The following MED25 variants were observed in gnomAD, a reference collection of about 807,000 sequenced individuals.
MED25 encodes the protein mediator of RNA polymerase II transcription subunit 25.
A neutral mutation model predicts 89.4 loss-of-function variants in MED25; 62 were observed. The ratio of observed to expected loss-of-function variants is 0.69; its 90% confidence interval spans 0.57 to 0.86. The LOEUF (loss-of-function observed/expected upper bound fraction) is 0.86, where lower values mean the gene tolerates loss of function less well. MED25 is among the 40% of genes least tolerant of loss of function. The pLI is 0.00. For synonymous variants in MED25, 449 were observed against 427.9 expected (o/e 1.05, Z -0.61); for missense variants, 905 against 1,005.2 (o/e 0.90, Z 1.35).
downstream of MED25, among the ~76,000 whole-genome samples, chr19:49,837,322 A>G (rs2074106796): frequency 6.6e-6 from 1 of 152,240 alleles, no homozygotes; most frequent in Admixed American, 6.5e-5. Context: ...TGCAGAGGAC[A>G]ACAGAAACTT....
downstream of MED25, chr19:49,839,856 T>G (rs2074122588): frequency 6.6e-6 from 1 of 152,172 alleles, no homozygotes; most frequent in Non-Finnish European, 1.5e-5. Flanking sequence ...TCCAGACTCA[T>G]GAGAAGGAAC....
At chr19:49,839,289 G>A (rs182915134), downstream of MED25, 13 of 168,030 alleles carry the variant, frequency 7.7e-5, no homozygotes, top group East Asian at 1.8e-3. Context: ...TACAGACAGC[G>A]TCATGACAGG....
chr19:49,838,871 C>T (rs995362510), downstream of MED25: 2 of 408,014 alleles, frequency 4.9e-6, no homozygotes, highest in Non-Finnish European at 9.8e-6. Flanking sequence ...GGCAGTGGTA[C>T]GCCGTTCCGG....
At chr19:49,821,837 A>T (rs112716160) in intron 3 of MED25, among the ~76,000 whole-genome samples, 84 of 140,770 alleles carry the variant, frequency 6.0e-4, no homozygotes, top group East Asian at 1.3e-3. Flanking sequence ...AAAAAAAAAA[A>T]TTTTGTAGTG....
rs1375960796 is a variant in MED25, at chr19:49,836,494, A to C, written c.2146+88A>C. ...GCACCAAGACCGAGTGCTCCTGGGAAGTAAAGACATAGGATCCAAGAATGA... is the reference window on the plus strand; with the variant it reads ...GCACCAAGACCGAGTGCTCCTGGGACGTAAAGACATAGGATCCAAGAATGA... On this transcript the variant is annotated intron_variant, in intron 17 of 17. Coordinates refer to ENST00000312865, the MANE Select transcript of MED25 (RefSeq NM_030973.4). The surrounding 1 kb of genome is among the most constrained non-coding windows in gnomAD (Gnocchi z 5.1). 3 of 1,456,466 alleles carry C rather than the reference A, an allele frequency of 2.1e-6. No individual in the cohort carries two copies. The African/African-American group carries it at 4.2e-5, about 20-fold the overall frequency. 90.2% of individuals were successfully genotyped at this position (1,456,466 alleles called of 1,614,324 possible). A position where few individuals can be genotyped will look rare whatever the true frequency, so the allele number is the denominator to read the frequency against.
chr19:49,818,632 C>T lies in MED25; in HGVS notation c.180+16C>T. ...CGGGGGAGACGTGAGTCTAGGGACT[C>T]CTGGGCCTGAGGGAGGAGGGGCCGG... On this transcript the variant is annotated intron_variant, in intron 2 of 17. Coordinates refer to ENST00000312865, the MANE Select transcript of MED25 (RefSeq NM_030973.4). The T allele has an allele frequency of 6.2e-7, 1 of 1,612,416 alleles. No homozygotes were observed. The highest frequency in any genetic ancestry group is 8.5e-7 in the Non-Finnish European group (1 of 1,178,650).
Position 49,832,150 on chromosome 19 carries a change from A to G in MED25, c.1367A>G (p.Gln456Arg). Residue 456 changes from glutamine (Q) to arginine (R), a missense_variant, in exon 12 of 18, where the codon CAG becomes CGG. Transcript: ENST00000312865. ...QKLIMQLIPQ[Q>R]LLTTLGPLFR... is the part of the protein sequence containing the mutation. ...CTGATCATGCAGCTCATCCCCCAGC[A>G]GCTGCTGGTGAGTGGCGGTGGAGGG... is the stretch of plus-strand genomic sequence containing the variant. The G allele has an allele frequency of 1.2e-6, 2 of 1,612,732 alleles. No homozygotes were observed. Among genetic ancestry groups the G allele is most frequent in the South Asian group, 1.1e-5 (1 of 91,036 alleles).
Position 49,830,332 on chromosome 19 carries a change from C to A in MED25, c.819+114C>A. The stretch of plus-strand genomic sequence containing the variant: ...GTGGGATGATGGGAGTCCCATGGGA[C>A]ATTGGGAAGGTGGGACTCTTGGGGC... On this transcript the variant is annotated intron_variant, in intron 7 of 17. Transcript: ENST00000312865. The surrounding 1 kb of genome is among the most constrained non-coding windows in gnomAD (Gnocchi z 4.6). 4 of 1,243,826 alleles carry A rather than the reference C, an allele frequency of 3.2e-6. No homozygotes were observed. Among genetic ancestry groups the A allele is most frequent in the Non-Finnish European group, 4.6e-6 (4 of 873,458 alleles). The allele number at this position is 1,243,826 out of a possible 1,614,324, so 77.0% of individuals were successfully genotyped here.
chr19:49,821,816 C>CAA (rs35798804), intron 3 of MED25, among the ~76,000 whole-genome samples: 87 of 84,084 alleles, frequency 1.0e-3, no homozygotes, highest in Middle Eastern at 8.6e-3. Context: ...AATTCTGTCT[C>CAA]AAAAAAAAAA....
At position 49,835,699 on chromosome 19, in the gene MED25, C is replaced by A. The variant is rs773588272; in HGVS notation, c.1747-28C>A. On this transcript the variant is annotated intron_variant, in intron 15 of 17. Transcript: ENST00000312865. The surrounding 1 kb of genome is among the most constrained non-coding windows in gnomAD (Gnocchi z 6.2). ...AAGGGGCGTGAGGCCCTGCCCATCTCCCTCACCCCTGTGTCTCTTCCCACC... is the reference window on the plus strand; with the variant it reads ...AAGGGGCGTGAGGCCCTGCCCATCTACCTCACCCCTGTGTCTCTTCCCACC... 6.1e-5 allele frequency: 97 copies of A among 1,602,068 alleles called. No individual in the cohort carries two copies. The highest frequency in any genetic ancestry group is 7.7e-5 in the Non-Finnish European group (91 of 1,175,206).
In MED25 at chr19:49,830,729, G is replaced by A. The variant is rs1483220422; in HGVS notation, c.943G>A (p.Gly315Arg). The A allele has an allele frequency of 9.9e-6, 16 of 1,613,756 alleles. No individual in the cohort carries two copies. The highest frequency in any genetic ancestry group is 2.7e-5 in the African/African-American group (2 of 74,856). Residue 315 changes from glycine to arginine, a missense_variant, in exon 9 of 18, where the codon GGA (glycine) becomes AGA (arginine). By Grantham distance (125) the Gly-to-Arg change is moderately radical. Around this residue, in one of 3 missense-constraint regions of MED25, gnomAD observed 501 missense variants for 526.9 expected, o/e 0.95. Transcript: ENST00000312865. The surrounding 1 kb of genome is among the most constrained non-coding windows in gnomAD (Gnocchi z 4.6). Reference protein sequence around the residue: ...PITPLQQAAPGVGPPFSQAPA... With the variant: ...PITPLQQAAPRVGPPFSQAPA... ...CACCCCTCTCCAACAAGCTGCTCCC[G>A]GAGTGGGTCCCCCCTTCAGCCAGGC...
chr19:49,836,439 A>C lies in MED25; in HGVS notation c.2146+33A>C, dbSNP rs748501337. 3 of 1,561,020 alleles carry C rather than the reference A, an allele frequency of 1.9e-6. No homozygotes were observed. In the East Asian group the frequency reaches 7.2e-5, roughly 37 times the overall value. On this transcript the variant is annotated intron_variant, in intron 17 of 17. Coordinates refer to ENST00000312865, the MANE Select transcript of MED25 (RefSeq NM_030973.4). The surrounding 1 kb of genome is among the most constrained non-coding windows in gnomAD (Gnocchi z 5.1). ...GACCCGGGGGAGGGCAGAGGTCTGG[A>C]CTGAGTGTCCCAGCAGCTCCTGGGC...
chr19:49,820,507 G>A (rs902069850), intron 3 of MED25, among the ~76,000 whole-genome samples: 4 of 152,202 alleles, frequency 2.6e-5, no homozygotes, highest in African/African-American at 9.7e-5. Flanking sequence ...GTACTTCTTA[G>A]ATAAAACAGA....
rs1239210858 is a variant in MED25, at chr19:49,829,169, G to A, written c.525+79G>A. The A allele has an allele frequency of 1.5e-5, 20 of 1,316,916 alleles. No homozygotes were observed. The highest frequency in any genetic ancestry group is 1.9e-5 in the Admixed American group (1 of 51,736). The allele number at this position is 1,316,916 out of a possible 1,614,324, so 81.6% of individuals were successfully genotyped here. A position where few individuals can be genotyped will look rare whatever the true frequency, so the allele number is the denominator to read the frequency against. The stretch of plus-strand genomic sequence containing the variant: ...CTGAGGCAGGAGGCACTGAGGGCCT[G>A]GACTCCTGGGTCTGAGGGAGGAGGC... On this transcript the variant is annotated intron_variant, in intron 5 of 17. Transcript: ENST00000312865. This position sits in a 1 kb window ranked among gnomAD's most constrained non-coding sequence, Gnocchi z 4.6.
Position 49,836,800 on chromosome 19 carries a change from C to CCTTG in MED25, c.2147-46_2147-45insTTGC, listed in dbSNP as rs759851018. ...CTTAGTGCCTCTGGGCCCTCCTGGG[C>CCTTG]CCAAGGGCCTACTGGGAGATGCAGT... On this transcript the variant is annotated intron_variant, in intron 17 of 17. Transcript: ENST00000312865. This position sits in a 1 kb window ranked among gnomAD's most constrained non-coding sequence, Gnocchi z 5.1. The CCTTG allele has an allele frequency of 2.0e-5, 30 of 1,485,630 alleles. No individual in the cohort carries two copies. In the South Asian group the frequency reaches 3.5e-4, roughly 17 times the overall value. The allele number at this position is 1,485,630 out of a possible 1,614,324, so 92.0% of individuals were successfully genotyped here.
In MED25 at chr19:49,835,827, G is replaced by C; in HGVS notation, c.1847G>C (p.Gly616Ala). ...QPQGTAQPPP[G>A]APQGPPGAAS... ...CAAGGTACTGCCCAGCCCCCGCCAG[G>C]TGCCCCTCAAGGCCCTCCTGGAGCA... is the stretch of plus-strand genomic sequence containing the variant. Residue 616 changes from glycine (G) to alanine (A), a missense_variant, in exon 16 of 18, where the codon GGT becomes GCT. Gly to Ala is a moderately conservative substitution (Grantham distance 60). Coordinates refer to ENST00000312865, the MANE Select transcript of MED25 (RefSeq NM_030973.4). The surrounding 1 kb of genome is among the most constrained non-coding windows in gnomAD (Gnocchi z 6.2). The C allele has an allele frequency of 6.2e-7, 1 of 1,610,842 alleles. No homozygotes were observed. The highest frequency in any genetic ancestry group is 8.5e-7 in the Non-Finnish European group (1 of 1,178,566).
In MED25 at chr19:49,831,499, C is replaced by CTGGGGCCGT. The variant is rs372046893; in HGVS notation, c.1230+39_1230+47dup. The CTGGGGCCGT allele has an allele frequency of 1.1e-4, 177 of 1,602,446 alleles. No individual in the cohort carries two copies. In the African/African-American group the frequency reaches 1.9e-3, roughly 18 times the overall value. The stretch of plus-strand genomic sequence containing the variant: ...AGGGTCCATTGGGCACTTGGGACTC[C>CTGGGGCCGT]TGGGGCCGTGGGGCTGGGCATGTAG... On this transcript the variant is annotated intron_variant, in intron 10 of 17. Transcript: ENST00000312865. This position sits in a 1 kb window ranked among gnomAD's most constrained non-coding sequence, Gnocchi z 5.0.
chr19:49,835,491 C>A lies in MED25; in HGVS notation c.1675-43C>A. On this transcript the variant is annotated intron_variant, in intron 14 of 17. Transcript: ENST00000312865. The surrounding 1 kb of genome is among the most constrained non-coding windows in gnomAD (Gnocchi z 6.2). The stretch of plus-strand genomic sequence containing the variant: ...GCCCTCCCGCCTCAGATTCAGGATG[C>A]CACCACCCTCAGTTACTGACCTGCC... The A allele has an allele frequency of 1.3e-6, 2 of 1,499,312 alleles. No homozygotes were observed. The highest frequency in any genetic ancestry group is 1.8e-6 in the Non-Finnish European group (2 of 1,118,800). 92.9% of individuals were successfully genotyped at this position (1,499,312 alleles called of 1,614,324 possible).
chr19:49,825,977 G>A (rs2074012695), intron 3 of MED25, among the ~76,000 whole-genome samples: 1 of 152,150 alleles, frequency 6.6e-6, no homozygotes, highest in Non-Finnish European at 1.5e-5. Flanking sequence ...AATTTCACCT[G>A]TAGCAGAACA....
Sources: allele counts gnomAD v4.1 joint callset (sites outside exome capture counted in the v4.1 genomes callset), GRCh38; gene constraint gnomAD v4.1.1; regional missense constraint gnomAD v4.1.1; non-coding constraint Gnocchi (gnomAD v3.1); transcripts MANE v1.5; gene names NCBI Gene and HGNC (gene_info 2026-07-23, HGNC 2026-07-21).